The following TBCD variants were observed in gnomAD, a reference collection of about 807,000 sequenced individuals.
TBCD encodes tubulin folding cofactor D.
In TBCD, 105 loss-of-function variants were observed where a neutral mutation model predicts 169.3. That is an observed-to-expected ratio of 0.62 (90% CI 0.53 to 0.73). The LOEUF is 0.73. TBCD is among the 30% of genes least tolerant of loss of function. The pLI, the probability that TBCD is intolerant of heterozygous loss-of-function variation, is 0.00. For missense variants in TBCD, 1,444 were observed against 1,600.1 expected (o/e 0.90, Z 1.66); for synonymous variants, 700 against 643.9 (o/e 1.09, Z -1.32).
Position 82,832,494 on chromosome 17 carries a change from G to A in TBCD, c.1318+17560G>A, listed in dbSNP as rs771390408. The A allele has an allele frequency of 1.8e-5, 29 of 1,579,364 alleles. No individual in the cohort carries two copies. Among genetic ancestry groups the A allele is most frequent in the Non-Finnish European group, 2.4e-5 (28 of 1,159,022 alleles). On this transcript the variant is annotated intron_variant, in intron 13 of 38. Coordinates refer to ENST00000355528, the MANE Select transcript of TBCD (RefSeq NM_005993.5). The surrounding 1 kb of genome is among the most constrained non-coding windows in gnomAD (Gnocchi z 4.9). ...CTTGGACTCTGGCTGTCCAGGTGGC[G>A]TGATCACTGTCGACGCCGCGTGCAC...
intron 13 of TBCD, among the ~76,000 whole-genome samples, chr17:82,868,865 A>G (rs1347713482): frequency 1.3e-5 from 2 of 151,578 alleles, no homozygotes; most frequent in Non-Finnish European, 2.9e-5. Context: ...AGTGAACTTG[A>G]TTGGTGGGTG....
intron 2 of TBCD, among the ~76,000 whole-genome samples, chr17:82,763,083 T>C (rs1269795342): frequency 6.6e-6 from 1 of 152,206 alleles, no homozygotes; most frequent in East Asian, 1.9e-4. Context: ...AGGTGGGTGA[T>C]AGTGCTGTTT....
intron 23 of TBCD, among the ~76,000 whole-genome samples, chr17:82,919,600 C>T (rs919041560): frequency 6.6e-6 from 1 of 151,992 alleles, no homozygotes; most frequent in Non-Finnish European, 1.5e-5. Flanking sequence ...GGTGAGGGTG[C>T]CGGCCTCACC....
At position 82,930,798 on chromosome 17, in the gene TBCD, GTGCCTGCAGCATATGGTTC is replaced by G. The variant is rs1391039535; in HGVS notation, c.3113+157_3113+175del. On this transcript the variant is annotated intron_variant, in intron 33 of 38. Coordinates refer to ENST00000355528, the MANE Select transcript of TBCD (RefSeq NM_005993.5). The surrounding 1 kb of genome is among the most constrained non-coding windows in gnomAD (Gnocchi z 5.2). ...CAGTTGGTGGCTCAGCGAGGAAGAT[GTGCCTGCAGCATATGGTTC>G]TCCGGGCGGCCAGGCCTCAGCCCCT... is the stretch of plus-strand genomic sequence containing the variant. 6.6e-6 allele frequency among the ~76,000 whole-genome samples: 1 copy of G among 152,224 alleles called. No homozygotes were observed. The highest frequency in any genetic ancestry group is 1.5e-5 in the Non-Finnish European group (1 of 68,034).
At chr17:82,811,985 C>T (rs2051473281) in intron 12 of TBCD, among the ~76,000 whole-genome samples, 1 of 152,170 alleles carries the variant, frequency 6.6e-6, no homozygotes, top group African/African-American at 2.4e-5. Context: ...CACCCATCCC[C>T]AGGGGGTTCA....
chr17:82,909,594 G>C (rs2060481920), intron 22 of TBCD, among the ~76,000 whole-genome samples: 1 of 150,964 alleles, frequency 6.6e-6, no homozygotes, highest in African/African-American at 2.4e-5. Flanking sequence ...TGTGGGAGGC[G>C]CATGAGGGTC....
chr17:82,896,047 C>G (rs980700321), intron 17 of TBCD: 2 of 152,214 alleles, frequency 1.3e-5, no homozygotes, highest in Non-Finnish European at 1.5e-5. Context: ...ACAATCAAGA[C>G]GAGAAAAGGC....
rs2057861856 is a variant in TBCD at position 82,874,929 on chromosome 17, G to A, written c.1475+4549G>A. 6.6e-6 allele frequency among the ~76,000 whole-genome samples: 1 copy of A among 152,166 alleles called. No individual in the cohort carries two copies. Among genetic ancestry groups the A allele is most frequent in the African/African-American group, 2.4e-5 (1 of 41,438 alleles). ...TTCGGTGGGTCCTGTAACAGTGGGT[G>A]CTTGGGATCAGAGCATCAGAGTGGA... On this transcript the variant is annotated intron_variant, in intron 14 of 38. Coordinates refer to ENST00000355528, the MANE Select transcript of TBCD (RefSeq NM_005993.5). This position sits in a 1 kb window ranked among gnomAD's most constrained non-coding sequence, Gnocchi z 5.0.
chr17:82,870,171 C>T (rs923532594), intron 13 of TBCD, 53 bp from the exon 14 acceptor site: 46 of 1,608,194 alleles, frequency 2.9e-5, no homozygotes, highest in Non-Finnish European at 3.5e-5. Flanking sequence ...TGAAGCCTCA[C>T]GTGTTGCCCG....
At chr17:82,850,306 TG>T in intron 13 of TBCD, among the ~76,000 whole-genome samples, 1 of 132,996 alleles carries the variant, frequency 7.5e-6, no homozygotes, top group South Asian at 2.5e-4. Flanking sequence ...TTGTTGGCTG[TG>T]CTCTTCTGCT....
At chr17:82,793,153 C>G (rs1034899962) in intron 7 of TBCD, among the ~76,000 whole-genome samples, 9 of 152,172 alleles carry the variant, frequency 5.9e-5, no homozygotes, top group Non-Finnish European at 1.0e-4. Context: ...TATTTTTTCA[C>G]TCTGGGGCTC....
chr17:82,817,068 G>C (rs2051980190), intron 13 of TBCD, among the ~76,000 whole-genome samples: 1 of 152,192 alleles, frequency 6.6e-6, no homozygotes, highest in Non-Finnish European at 1.5e-5. Context: ...ATGTATTCTG[G>C]ATATAAGTCT....
chr17:82,894,348 C>G (rs1317102584), intron 17 of TBCD, among the ~76,000 whole-genome samples: 1 of 152,148 alleles, frequency 6.6e-6, no homozygotes, highest in Admixed American at 6.5e-5. Context: ...CAGAATCTAG[C>G]TCTGTTGCCC....
intron 1 of TBCD, among the ~76,000 whole-genome samples, chr17:82,754,261 T>C (rs2047285806): frequency 6.6e-6 from 1 of 151,978 alleles, no homozygotes. Flanking sequence ...TGGTTAGGGG[T>C]ATACAATCAT....
intron 21 of TBCD, chr17:82,908,130 G>T: frequency 2.4e-6 from 1 of 415,526 alleles, no homozygotes; most frequent in Non-Finnish European, 4.5e-6. Flanking sequence ...AGCTAGTGCA[G>T]TCGGTGGAGG....
intron 13 of TBCD, among the ~76,000 whole-genome samples, chr17:82,868,537 T>C (rs996982218): frequency 3.9e-5 from 6 of 152,250 alleles, no homozygotes; most frequent in Non-Finnish European, 7.3e-5. Flanking sequence ...TTCATTTTTA[T>C]GTAGTTTTAG....
intron 22 of TBCD, among the ~76,000 whole-genome samples, chr17:82,909,661 CGTG>C (rs2060488793): frequency 6.8e-6 from 1 of 147,326 alleles, no homozygotes; most frequent in African/African-American, 2.6e-5. Context: ...GTGGGAGGCG[CGTG>C]AGGGTCTGAC....
chr17:82,784,034 A>G (rs1203610770), intron 7 of TBCD, among the ~76,000 whole-genome samples: 1 of 152,038 alleles, frequency 6.6e-6, no homozygotes, highest in Non-Finnish European at 1.5e-5. Context: ...CTGAGGCAGG[A>G]GAATTGCTTG....
At chr17:82,906,132 C>T (rs550161071) in intron 20 of TBCD, 79 bp downstream of exon 20, 92 of 1,111,004 alleles carry the variant, frequency 8.3e-5, no homozygotes, top group Non-Finnish European at 7.9e-5. Context: ...CTCTCCAGTT[C>T]GAGACTCTCT....
Sources: allele counts gnomAD v4.1 joint callset (sites outside exome capture counted in the v4.1 genomes callset), GRCh38; gene constraint gnomAD v4.1.1; non-coding constraint Gnocchi (gnomAD v3.1); transcripts MANE v1.5; gene names NCBI Gene and HGNC (gene_info 2026-07-23, HGNC 2026-07-21).